Variants in GRIN2B observed in about 807,000 individuals in gnomAD.
The protein encoded by GRIN2B is glutamate receptor ionotropic, NMDA 2B.
Under a neutral mutation model 114.5 loss-of-function variants are expected in GRIN2B, and 5 were observed. The observed-to-expected ratio is 0.04, with a 90% CI of 0.02 to 0.09. The LOEUF is 0.09. Among genes scored for constraint, GRIN2B ranks in the 10% least tolerant of loss-of-function variants. The pLI, the probability that GRIN2B is intolerant of heterozygous loss-of-function variation, is 1.00. For synonymous variants in GRIN2B, 787 were observed against 745.1 expected (o/e 1.06, Z -0.92); for missense variants, 1,108 against 1,943.5 (o/e 0.57, Z 8.08).
chr12:13,881,026 A>T (rs1177766395), intron 2 of GRIN2B, among the ~76,000 whole-genome samples: 1 of 151,456 alleles, frequency 6.6e-6, no homozygotes, highest in Non-Finnish European at 1.5e-5. Flanking sequence ...GCGTGCGCGC[A>T]CGCATGTGCG....
At chr12:13,634,521 A>G in intron 5 of GRIN2B, among the ~76,000 whole-genome samples, 1 of 152,166 alleles carries the variant, frequency 6.6e-6, no homozygotes, top group East Asian at 1.9e-4. Context: ...CCAACTAGCG[A>G]GAGACAAAAG....
At chr12:13,857,383 A>ACAC (rs1297065703) in intron 3 of GRIN2B, among the ~76,000 whole-genome samples, 3 of 151,726 alleles carry the variant, frequency 2.0e-5, no homozygotes, top group African/African-American at 7.3e-5. Flanking sequence ...ACACACACAC[A>ACAC]CACACACACA....
chr12:13,662,798 A>C (rs1949937144), intron 5 of GRIN2B, among the ~76,000 whole-genome samples: 1 of 152,190 alleles, frequency 6.6e-6, no homozygotes, highest in Non-Finnish European at 1.5e-5. Flanking sequence ...GCAGGCTTTA[A>C]CTTTTTCTTA....
intron 5 of GRIN2B, among the ~76,000 whole-genome samples, chr12:13,672,079 A>C (rs1950027411): frequency 6.6e-6 from 1 of 152,242 alleles, no homozygotes; most frequent in East Asian, 1.9e-4. Flanking sequence ...TGCCCTTCAA[A>C]ACAAGCTCAG....
chr12:13,702,088 A>G (rs1282985191), intron 4 of GRIN2B, among the ~76,000 whole-genome samples: 1 of 152,224 alleles, frequency 6.6e-6, no homozygotes, highest in Non-Finnish European at 1.5e-5. Flanking sequence ...GATTTGTATA[A>G]GTGTTTTATA....
intron 4 of GRIN2B, among the ~76,000 whole-genome samples, chr12:13,724,427 T>C (rs541469352): frequency 2.5e-4 from 38 of 152,232 alleles, no homozygotes; most frequent in Middle Eastern, 3.4e-3. Context: ...AGCAACACTT[T>C]CTTGTGAAAT....
intron 3 of GRIN2B, among the ~76,000 whole-genome samples, chr12:13,756,793 C>T (rs1407840513): frequency 2.0e-5 from 3 of 152,094 alleles, no homozygotes; most frequent in Admixed American, 6.5e-5. Flanking sequence ...GGTACAAAAG[C>T]CACGGGGGTC....
chr12:13,836,124 C>G (rs777263123), intron 3 of GRIN2B, among the ~76,000 whole-genome samples: 16 of 152,174 alleles, frequency 1.1e-4, no homozygotes, highest in Non-Finnish European at 1.9e-4. Flanking sequence ...CCTGTATCTT[C>G]AGAAAGATTC....
intron 3 of GRIN2B, 87 bp from the exon 4 acceptor site, chr12:13,754,002 A>T (rs1410067506): frequency 2.6e-6 from 2 of 783,320 alleles, no homozygotes; most frequent in African/African-American, 3.5e-5. Context: ...GTGGGTACAA[A>T]GATTTGTGTT....
intron 2 of GRIN2B, among the ~76,000 whole-genome samples, chr12:13,891,375 G>A (rs1406693463): frequency 6.6e-6 from 1 of 151,806 alleles, no homozygotes; most frequent in East Asian, 1.9e-4. Context: ...ACTTCACTAA[G>A]TTTCAAAGCC....
rs568352674 is a variant in GRIN2B, at chr12:13,550,171, G to T, written c.*12612C>A. On this transcript the variant is annotated 3_prime_UTR_variant, in exon 14 of 14. Coordinates refer to ENST00000609686, the MANE Select transcript of GRIN2B (RefSeq NM_000834.5). ...TTTCCAAGTCAAAGGAGGTTATTTG[G>T]AGAAGTGGTTATGGTAAATTCTTCT... 3 of 152,280 alleles carry T rather than the reference G, an allele frequency of 2.0e-5. No individual in the cohort carries two copies. Among genetic ancestry groups the T allele is most frequent in the East Asian group, 1.9e-4 (1 of 5,184 alleles). 9.4% of individuals were successfully genotyped at this position (152,280 alleles called of 1,614,324 possible).
Position 13,929,326 on chromosome 12 carries a change from G to A in GRIN2B, c.-19+50602C>T, listed in dbSNP as rs76107329. Among the ~76,000 whole-genome samples, 188 of 133,754 alleles carry A rather than the reference G, an allele frequency of 1.4e-3. No individual in the cohort carries two copies. In the East Asian group the frequency reaches 0.03, roughly 21 times the overall value. 87.7% of individuals were successfully genotyped at this position (133,754 alleles called of 152,430 possible). A position where few individuals can be genotyped will look rare whatever the true frequency, so the allele number is the denominator to read the frequency against. On this transcript the variant is annotated intron_variant, in intron 2 of 13. Coordinates refer to ENST00000609686, the MANE Select transcript of GRIN2B (RefSeq NM_000834.5). The stretch of plus-strand genomic sequence containing the variant: ...TCACAGAAAAGCTCTAAACCAAACC[G>A]TTAAGCAAATAGTGCTGTTGCTTTA...
At chr12:13,570,129 T>C (rs550447338) in intron 11 of GRIN2B, 112 bp from the exon 12 acceptor site, 111 of 781,018 alleles carry the variant, frequency 1.4e-4, no homozygotes, top group Non-Finnish European at 2.3e-4. Context: ...GAGAATTGGT[T>C]CAAAGTAAGG....
intron 5 of GRIN2B, among the ~76,000 whole-genome samples, chr12:13,666,209 G>A (rs1320366787): frequency 6.6e-6 from 1 of 152,148 alleles, no homozygotes; most frequent in Non-Finnish European, 1.5e-5. Context: ...TCTCCTTCCA[G>A]GGTCATACTT....
At chr12:13,817,229 T>C (rs1181452945) in intron 3 of GRIN2B, among the ~76,000 whole-genome samples, 1 of 152,190 alleles carries the variant, frequency 6.6e-6, no homozygotes, top group East Asian at 1.9e-4. Context: ...CGTGCCTCCT[T>C]CTCTGATGTC....
intron 10 of GRIN2B, among the ~76,000 whole-genome samples, chr12:13,603,853 G>T (rs1018129466): frequency 6.6e-6 from 1 of 151,722 alleles, no homozygotes; most frequent in African/African-American, 2.4e-5. Flanking sequence ...TCAAATTTTG[G>T]CTCTGTCACT....
At chr12:13,850,335 T>C (rs898083324) in intron 3 of GRIN2B, among the ~76,000 whole-genome samples, 2 of 152,080 alleles carry the variant, frequency 1.3e-5, no homozygotes, top group South Asian at 4.2e-4. Context: ...AGAAAAAAAT[T>C]CCCCCAATCC....
chr12:13,583,599 C>T (rs762780102), intron 10 of GRIN2B, among the ~76,000 whole-genome samples: 18 of 152,044 alleles, frequency 1.2e-4, no homozygotes, highest in East Asian at 1.9e-4. Context: ...GGAAGGGCTA[C>T]GGAAGTTTAG....
At chr12:13,838,336 A>G (rs189165288) in intron 3 of GRIN2B, among the ~76,000 whole-genome samples, 1 of 152,144 alleles carries the variant, frequency 6.6e-6, no homozygotes, top group Non-Finnish European at 1.5e-5. Context: ...TTCTCTGAGG[A>G]AAAAACCCTA....
Sources: gnomAD v4.1 joint callset for allele counts (sites outside exome capture counted in the v4.1 genomes callset) on GRCh38, gnomAD v4.1.1 for gene constraint, MANE v1.5 for transcripts, NCBI Gene and HGNC (gene_info 2026-07-23, HGNC 2026-07-21) for gene names.